Variants in RAB43 observed in about 807,000 individuals in gnomAD.
RAB43 encodes the protein RAB43, member RAS oncogene family, also known as ras-related protein Rab-43.
In RAB43, 6 loss-of-function variants were observed where a neutral mutation model predicts 18.8. The observed-to-expected ratio is 0.32, with a 90% CI of 0.17 to 0.63. The LOEUF is 0.63. Ranked by LOEUF, RAB43 falls within the 30% of genes least tolerant of loss-of-function variation. RAB43 has a pLI of 0.79. For synonymous variants in RAB43, 103 were observed against 124.1 expected, an observed-to-expected ratio of 0.83 and a Z score of 1.13; for missense variants, 195 against 289.1, an observed-to-expected ratio of 0.67 and a Z score of 2.36.
intron 1 of RAB43, among the ~76,000 whole-genome samples, chr3:129,120,871 C>T (rs1260347189): frequency 2.6e-5 from 4 of 152,196 alleles, no homozygotes; most frequent in Non-Finnish European, 5.9e-5. Flanking sequence ...AGTGCCCCGC[C>T]GGTGGGCTGA....
intron 1 of RAB43, among the ~76,000 whole-genome samples, chr3:129,117,166 T>A (rs1935596483): frequency 6.6e-6 from 1 of 152,254 alleles, no homozygotes; most frequent in Admixed American, 6.5e-5. Context: ...TTGAAGTTTT[T>A]AAAATTTTGA....
In RAB43 at chr3:129,107,167, G is replaced by T. The variant is rs1934838610; in HGVS notation, c.205-11998C>A. ...GTCTCATTACTCCTTATGTCTGAGG[G>T]GTCACAGGAATGAAGCATCAGCAGA... On this transcript the variant is annotated intron_variant, in intron 1 of 2. Transcript: ENST00000315150. The surrounding 1 kb of genome is among the most constrained non-coding windows in gnomAD (Gnocchi z 4.2). Among the ~76,000 whole-genome samples the T allele has an allele frequency of 6.6e-6, 1 of 152,172 alleles. No homozygotes were observed. The highest frequency in any genetic ancestry group is 2.4e-5 in the African/African-American group (1 of 41,440).
chr3:129,110,988 A>G (rs994043502), intron 1 of RAB43, among the ~76,000 whole-genome samples: 7 of 151,910 alleles, frequency 4.6e-5, no homozygotes, highest in Non-Finnish European at 1.0e-4. Context: ...CAATCTGTTG[A>G]TGTATGCACT....
chr3:129,103,805 T>A (rs1934582006), intron 1 of RAB43, among the ~76,000 whole-genome samples: 1 of 152,218 alleles, frequency 6.6e-6, no homozygotes, highest in African/African-American at 2.4e-5. Flanking sequence ...CCTCAGGTGA[T>A]CTGCCCGCTT....
At chr3:129,092,934 C>T (rs923770283) in intron 2 of RAB43, among the ~76,000 whole-genome samples, 30 of 149,706 alleles carry the variant, frequency 2.0e-4, no homozygotes, top group Middle Eastern at 3.5e-3. Context: ...CCAGTCTGGG[C>T]GACAGGGTGA....
chr3:129,119,564 C>G (rs1935771982), intron 1 of RAB43, among the ~76,000 whole-genome samples: 1 of 152,200 alleles, frequency 6.6e-6, no homozygotes, highest in Non-Finnish European at 1.5e-5. Context: ...AGCTGATTCC[C>G]AACAGCCTCT....
intron 1 of RAB43, among the ~76,000 whole-genome samples, chr3:129,098,732 A>ATT (rs763717128): frequency 3.9e-5 from 6 of 152,220 alleles, no homozygotes; most frequent in Non-Finnish European, 7.3e-5. Context: ...AAATAAATGA[A>ATT]AAATTATTTC....
intron 1 of RAB43, among the ~76,000 whole-genome samples, chr3:129,102,838 G>A (rs1294915685): frequency 6.6e-6 from 1 of 152,052 alleles, no homozygotes; most frequent in Non-Finnish European, 1.5e-5. Flanking sequence ...CAGCACCCAA[G>A]GGAGGCTGGA....
intron 2 of RAB43, among the ~76,000 whole-genome samples, 164 bp from the exon 3 acceptor site, chr3:129,091,510 G>A (rs189970792): frequency 1.1e-4 from 17 of 152,312 alleles, no homozygotes; most frequent in Admixed American, 9.1e-4. Flanking sequence ...TTTTAGGCCG[G>A]GTGCAGTGGC....
At chr3:129,092,844 T>C (rs946491528) in intron 2 of RAB43, among the ~76,000 whole-genome samples, 2 of 150,856 alleles carry the variant, frequency 1.3e-5, no homozygotes, top group Non-Finnish European at 3.0e-5. Flanking sequence ...TGGTCCCAGC[T>C]ACTCGGGAGG....
intron 1 of RAB43, among the ~76,000 whole-genome samples, chr3:129,111,173 C>T (rs1194039906): frequency 6.6e-6 from 1 of 152,036 alleles, no homozygotes; most frequent in Non-Finnish European, 1.5e-5. Flanking sequence ...GTGGAGGGTG[C>T]CCTCCAGCCC....
intron 1 of RAB43, 48 bp downstream of exon 1, chr3:129,121,238 C>G (rs773296730): frequency 1.2e-4 from 184 of 1,507,900 alleles, no homozygotes; most frequent in Non-Finnish European, 1.6e-4. Flanking sequence ...CTGCCCCCGC[C>G]CCACCCTCCG....
At chr3:129,112,895 C>T (rs924411251) in intron 1 of RAB43, among the ~76,000 whole-genome samples, 1 of 151,846 alleles carries the variant, frequency 6.6e-6, no homozygotes, top group Non-Finnish European at 1.5e-5. Context: ...GGACTACAGA[C>T]ATGCATCACC....
chr3:129,102,700 G>GT (rs1934506358), intron 1 of RAB43, among the ~76,000 whole-genome samples: 1 of 151,172 alleles, frequency 6.6e-6, no homozygotes, highest in Admixed American at 6.6e-5. Context: ...AGGAATTAGT[G>GT]TAACAGGCAG....
In RAB43 at chr3:129,087,628, G is replaced by A. The variant is rs1228743760; in HGVS notation, c.*3468C>T. 6.6e-6 allele frequency: 1 copy of A among 152,114 alleles called. No individual in the cohort carries two copies. The highest frequency in any genetic ancestry group is 1.5e-5 in the Non-Finnish European group (1 of 68,020). 9.4% of individuals were successfully genotyped at this position (152,114 alleles called of 1,614,324 possible). The stretch of plus-strand genomic sequence containing the variant: ...AATGTGTACACTCTGGCTCTGCCAA[G>A]TTTCCATAAAGGCAACTTTTCCATG... On this transcript the variant is annotated 3_prime_UTR_variant, in exon 3 of 3. Coordinates refer to ENST00000315150, the MANE Select transcript of RAB43 (RefSeq NM_198490.3).
chr3:129,091,099 G>A lies in RAB43; in HGVS notation c.636C>T (p.Cys212=), dbSNP rs567008277. The change falls in exon 3 of 3, where the codon TGC becomes TGT. Residue 212 remains cysteine (C), a synonymous_variant. Transcript: ENST00000315150. ...AGTCTGCCGGCCCGGCCCCTGGTCA[G>A]CACCCGCAGCCCCAGCCTTCTCCGA... ...KDIGEGWGCG[C] 1.9e-5 allele frequency: 31 copies of A among 1,606,568 alleles called. No homozygotes were observed. In the East Asian group the frequency reaches 6.9e-4, roughly 36 times the overall value.
intron 2 of RAB43, 110 bp from the exon 3 acceptor site, chr3:129,091,456 T>C: frequency 7.5e-7 from 1 of 1,336,950 alleles, no homozygotes; most frequent in East Asian, 2.5e-5. Context: ...CCACTATAAA[T>C]GGACACCCCT....
intron 1 of RAB43, among the ~76,000 whole-genome samples, chr3:129,109,558 G>A (rs1385752228): frequency 6.6e-6 from 1 of 151,012 alleles, no homozygotes; most frequent in Non-Finnish European, 1.5e-5. Context: ...CCAACAGAGT[G>A]AAACCCCGTC....
At chr3:129,093,048 T>A (rs970314153) in intron 2 of RAB43, among the ~76,000 whole-genome samples, 3 of 150,542 alleles carry the variant, frequency 2.0e-5, no homozygotes, top group Non-Finnish European at 4.4e-5. Flanking sequence ...TGGAGGACAG[T>A]GGCACGATCT....
Sources: gnomAD v4.1 joint callset for allele counts (sites outside exome capture counted in the v4.1 genomes callset) on GRCh38, gnomAD v4.1.1 for gene constraint, Gnocchi (gnomAD v3.1) non-coding constraint, MANE v1.5 for transcripts, NCBI Gene and HGNC (gene_info 2026-07-23, HGNC 2026-07-21) for gene names.